SLC24A2: variants seen among roughly 807,000 people sequenced by gnomAD.
SLC24A2 encodes sodium/potassium/calcium exchanger 2.
In SLC24A2, 36 loss-of-function variants were observed where a neutral mutation model predicts 62.0. That is an observed-to-expected ratio of 0.58 (90% CI 0.44 to 0.77). The LOEUF is 0.77. SLC24A2 is among the 30% of genes least tolerant of loss of function. SLC24A2 has a pLI of 0.00. For synonymous variants in SLC24A2, 358 were observed against 294.0 expected (o/e 1.22, Z -2.23); for missense variants, 846 against 817.9 (o/e 1.03, Z -0.42).
chr9:19,866,850 C>T, the SLC24A2 span, among the ~76,000 whole-genome samples: 1 of 151,280 alleles, frequency 6.6e-6, no homozygotes, highest in Non-Finnish European at 1.5e-5. Context: ...TTTGTAGTAT[C>T]TAAAAATCAA....
chr9:20,116,637 T>A, the SLC24A2 span, among the ~76,000 whole-genome samples: 2 of 152,170 alleles, frequency 1.3e-5, no homozygotes, highest in South Asian at 2.1e-4. Flanking sequence ...CCTGAGATCA[T>A]GTCTAGGATG....
the SLC24A2 span, among the ~76,000 whole-genome samples, chr9:20,017,652 C>G: frequency 1.3e-5 from 2 of 152,164 alleles, no homozygotes; most frequent in African/African-American, 2.4e-5. Context: ...AACAATGCAG[C>G]CTTCAGTCTG....
At chr9:20,161,379 G>A in the SLC24A2 span, among the ~76,000 whole-genome samples, 1 of 151,316 alleles carries the variant, frequency 6.6e-6, no homozygotes. Flanking sequence ...TCTTTTTGAA[G>A]TAAGTGTAAC....
the SLC24A2 span, among the ~76,000 whole-genome samples, chr9:20,283,601 G>C: frequency 1.4e-4 from 21 of 152,130 alleles, 2 homozygotes; most frequent in South Asian, 4.1e-3. Context: ...TTCAACTGAG[G>C]GGCATAAAGC....
the SLC24A2 span, among the ~76,000 whole-genome samples, chr9:19,871,267 A>AT: frequency 6.6e-5 from 10 of 152,140 alleles, no homozygotes; most frequent in Non-Finnish European, 1.3e-4. Context: ...AACATAATTC[A>AT]TTTTTTCTTG....
the SLC24A2 span, among the ~76,000 whole-genome samples, chr9:19,900,888 T>A: frequency 2.9e-4 from 44 of 152,224 alleles, no homozygotes; most frequent in East Asian, 3.3e-3. Context: ...GAAAAACACA[T>A]AAGGCTCGTG....
intron 2 of SLC24A2, among the ~76,000 whole-genome samples, chr9:19,671,706 T>C (rs1295247134): frequency 3.3e-5 from 5 of 152,160 alleles, no homozygotes; most frequent in Non-Finnish European, 7.4e-5. Context: ...ATAGATGGCT[T>C]TTATTATCTT....
At chr9:19,947,848 G>T in the SLC24A2 span, among the ~76,000 whole-genome samples, 370 of 145,160 alleles carry the variant, frequency 2.5e-3, 2 homozygotes, top group African/African-American at 7.7e-3. Flanking sequence ...AAGAAAGAAA[G>T]AAATTAGTTC....
At chr9:19,696,524 A>T (rs1001396589) in intron 2 of SLC24A2, among the ~76,000 whole-genome samples, 12 of 152,256 alleles carry the variant, frequency 7.9e-5, no homozygotes, top group Non-Finnish European at 4.4e-5. Context: ...AGTAACTGGG[A>T]TGTGTATTCA....
the SLC24A2 span, among the ~76,000 whole-genome samples, chr9:20,089,676 G>A: frequency 6.6e-6 from 1 of 151,742 alleles, no homozygotes; most frequent in Non-Finnish European, 1.5e-5. Flanking sequence ...AGAGGCATCT[G>A]ACAGCCCCCC....
chr9:20,209,916 C>A, the SLC24A2 span, among the ~76,000 whole-genome samples: 2,038 of 152,274 alleles, frequency 0.013, 18 homozygotes, highest in Non-Finnish European at 0.021. Context: ...TAACACCATC[C>A]TTCTTGACCT....
intron 2 of SLC24A2, among the ~76,000 whole-genome samples, chr9:19,650,290 T>G (rs1225007575): frequency 6.6e-6 from 1 of 152,196 alleles, no homozygotes; most frequent in Non-Finnish European, 1.5e-5. Context: ...GAGTCTATGT[T>G]GGCAGTAAAG....
the SLC24A2 span, among the ~76,000 whole-genome samples, chr9:20,268,123 G>C: frequency 1.3e-5 from 2 of 152,202 alleles, no homozygotes; most frequent in African/African-American, 4.8e-5. Flanking sequence ...ACATTGGCTT[G>C]AGAAGATTAA....
chr9:19,921,880 C>A, the SLC24A2 span, among the ~76,000 whole-genome samples: 16 of 152,072 alleles, frequency 1.1e-4, no homozygotes, highest in Admixed American at 9.2e-4. Context: ...GTGATAGGAG[C>A]AAATCACTTT....
At chr9:19,565,823 C>T (rs915462621) in intron 7 of SLC24A2, among the ~76,000 whole-genome samples, 1 of 152,062 alleles carries the variant, frequency 6.6e-6, no homozygotes, top group Non-Finnish European at 1.5e-5. Context: ...CATCTATAAC[C>T]ATCTGATCTT....
At chr9:20,097,519 G>T in the SLC24A2 span, among the ~76,000 whole-genome samples, 1 of 151,922 alleles carries the variant, frequency 6.6e-6, no homozygotes, top group East Asian at 1.9e-4. Context: ...GAGATCTCTG[G>T]TGATATTAAA....
the SLC24A2 span, among the ~76,000 whole-genome samples, chr9:20,101,175 T>C: frequency 1.3e-5 from 2 of 152,226 alleles, no homozygotes; most frequent in African/African-American, 4.8e-5. Context: ...TCATTTAAGG[T>C]CTCAGTGACT....
chr9:20,032,808 G>C, the SLC24A2 span, among the ~76,000 whole-genome samples: 5 of 152,172 alleles, frequency 3.3e-5, no homozygotes, highest in African/African-American at 1.2e-4. Flanking sequence ...CCAGGGAGGA[G>C]TGGGGTAAAG....
the SLC24A2 span, among the ~76,000 whole-genome samples, chr9:20,030,379 G>A: frequency 6.6e-6 from 1 of 152,188 alleles, no homozygotes; most frequent in African/African-American, 2.4e-5. Context: ...CTGAGGTCTG[G>A]AGAGAGCTGC....
Sources: allele counts gnomAD v4.1 joint callset (sites outside exome capture counted in the v4.1 genomes callset), GRCh38; gene constraint gnomAD v4.1.1; transcripts MANE v1.5; gene names NCBI Gene and HGNC (gene_info 2026-07-23, HGNC 2026-07-21).